The following CC2D1B variants were observed in gnomAD, a reference collection of about 807,000 sequenced individuals.
CC2D1B encodes coiled-coil and C2 domain containing 1B, also known as coiled-coil and C2 domain-containing protein 1B.
CC2D1B carries 92 observed loss-of-function variants against 110.8 expected under a neutral mutation model. The ratio of observed to expected loss-of-function variants is 0.83; its 90% CI spans 0.70 to 0.99. The LOEUF is 0.99. Among genes scored for constraint, CC2D1B ranks in the 50% least tolerant of loss-of-function variants. The probability of loss-of-function intolerance (pLI) is 0.00; values close to 1 mark genes in which losing one functional copy is unlikely to be tolerated. For synonymous variants in CC2D1B, 406 were observed against 429.2 expected, an observed-to-expected ratio of 0.95 and a Z score of 0.67; for missense variants, 1,136 against 1,089.0, an observed-to-expected ratio of 1.04 and a Z score of -0.61.
Position 52,354,674 on chromosome 1 carries a change from C to A in CC2D1B, c.2364G>T (p.Leu788=), listed in dbSNP as rs1413118783. Residue 788 remains leucine (L), a synonymous_variant, in exon 23 of 25, where the codon CTG becomes CTT. Coordinates refer to ENST00000284376, the MANE Select transcript of CC2D1B (RefSeq NM_001330585.2). The part of the protein sequence containing the change: ...HKGSFFRSDK[L]VGTAHLKLER... Reference sequence around the variant, plus strand: ...CCAGTTTCAGGTGTGCTGTGCCAACCAGCTTGTCGCTTCTGAAGAAGGACC... The same window carrying A: ...CCAGTTTCAGGTGTGCTGTGCCAACAAGCTTGTCGCTTCTGAAGAAGGACC... 6.2e-7 allele frequency: 1 copy of A among 1,614,236 alleles called. No individual in the cohort carries two copies. The highest frequency in any genetic ancestry group is 1.7e-5 in the Admixed American group (1 of 60,028).
At position 52,360,534 on chromosome 1, in the gene CC2D1B, C is replaced by G. The variant is rs527478377; in HGVS notation, c.493G>C (p.Gly165Arg). 3 of 1,614,096 alleles carry G rather than the reference C, an allele frequency of 1.9e-6. No individual in the cohort carries two copies. The highest frequency in any genetic ancestry group is 1.7e-5 in the Admixed American group (1 of 60,026). The change falls in exon 6 of 25, where the codon GGG becomes CGG. Residue 165 changes from glycine (G) to arginine (R), a missense_variant. Coordinates refer to ENST00000284376, the MANE Select transcript of CC2D1B (RefSeq NM_001330585.2). ...CGTTCCTCCAGCAAAGCGTGTAGCC[C>G]CTGAGATGCTCCGGCCTATGAACAA... ...APAAQAGASQ[G>R]LHALLEERIH... is the part of the protein sequence containing the mutation.
chr1:52,353,668 G>A (rs1394871787), intron 23 of CC2D1B, 21 bp from the exon 24 acceptor site: 2 of 1,561,274 alleles, frequency 1.3e-6, no homozygotes, highest in Admixed American at 2.0e-5. Context: ...CACAGAGAGG[G>A]AAATGGTAAC....
At chr1:52,360,950 C>CA in intron 5 of CC2D1B, 24 bp downstream of exon 5, 1 of 1,613,132 alleles carries the variant, frequency 6.2e-7, no homozygotes, top group Non-Finnish European at 8.5e-7. Flanking sequence ...ATCAGAGGCA[C>CA]AGGGGCCCTC....
At position 52,361,572 on chromosome 1, in the gene CC2D1B, T is replaced by C. The variant is rs1646783364; in HGVS notation, c.259A>G (p.Met87Val). The C allele has an allele frequency of 1.2e-6, 2 of 1,613,850 alleles. No homozygotes were observed. The highest frequency in any genetic ancestry group is 1.7e-6 in the Non-Finnish European group (2 of 1,179,986). The change falls in exon 4 of 25, where the codon ATG becomes GTG. Residue 87 changes from methionine to valine, a missense_variant. Physicochemically the swap from Met to Val is conservative, Grantham distance 21. Transcript: ENST00000284376. ...TCCTCCTCCTCCTCCACATCCCGCA[T>C]ACAGTCTGCCGCCAACTTCTCGATG... The part of the protein sequence containing the change: ...AHIEKLAADC[M>V]RDVEEEEEEE...
At chr1:52,356,496 T>A in intron 16 of CC2D1B, 54 bp from the exon 17 acceptor site, 1 of 1,593,840 alleles carries the variant, frequency 6.3e-7, no homozygotes, top group Non-Finnish European at 8.6e-7. Context: ...CCTGCCTTGG[T>A]TGGCATTCAA....
chr1:52,355,111 G>A (rs888503957), intron 21 of CC2D1B, 172 bp from the exon 22 acceptor site: 2 of 643,176 alleles, frequency 3.1e-6, no homozygotes, highest in Admixed American at 5.3e-5. Context: ...GTGAGTTTTT[G>A]TACTCTTTTT....
chr1:52,359,138 C>T lies in CC2D1B; in HGVS notation c.1146G>A (p.Gln382=), dbSNP rs1462142045. 3 of 1,611,036 alleles carry T rather than the reference C, an allele frequency of 1.9e-6. No homozygotes were observed. The highest frequency in any genetic ancestry group is 2.2e-5 in the East Asian group (1 of 44,868). ...PATPVAPTES[Q]TVLDALQQRL... is the part of the protein sequence containing the mutation. ...TCTGCTGCAGGGCATCCAGCACTGTCTGTGACTCTGTAGGGGCCACTTGAA... is the reference window on the plus strand; with the variant it reads ...TCTGCTGCAGGGCATCCAGCACTGTTTGTGACTCTGTAGGGGCCACTTGAA... The change falls in exon 11 of 25, where the codon CAG becomes CAA. Residue 382 remains glutamine (Q), a synonymous_variant. Coordinates refer to ENST00000284376, the MANE Select transcript of CC2D1B (RefSeq NM_001330585.2).
chr1:52,361,686 G>A, intron 3 of CC2D1B, 70 bp from the exon 4 acceptor site: 2 of 1,578,592 alleles, frequency 1.3e-6, no homozygotes, highest in South Asian at 1.1e-5. Context: ...GGAGGGGCTT[G>A]GTAGATCCAC....
chr1:52,357,101 T>C lies in CC2D1B; in HGVS notation c.1778A>G (p.Glu593Gly), dbSNP rs1455776486. ...SKVPSPLTDE[E>G]GDFILIHHED... ...ATGGTGGATGAGGATGAAGTCACCC[T>C]CCTCATCCGTCAAGGGCGAAGGCAC... Residue 593 changes from glutamate (E) to glycine (G), a missense_variant, in exon 16 of 25, where the codon GAG becomes GGG. Physicochemically the swap from Glu to Gly is moderately conservative, Grantham distance 98. Transcript: ENST00000284376. 6.2e-7 allele frequency: 1 copy of C among 1,613,626 alleles called. No individual in the cohort carries two copies. The highest frequency in any genetic ancestry group is 2.2e-5 in the East Asian group (1 of 44,860).
At position 52,355,446 on chromosome 1, in the gene CC2D1B, G is replaced by T; in HGVS notation, c.2191C>A (p.Gln731Lys). Reference protein sequence around the residue: ...RFEFHYPNSDQAQKSKTAVVK... With the variant: ...RFEFHYPNSDKAQKSKTAVVK... ...ACAGCTGTTTTGCTTTTTTGAGCCTGGTCCTAAGCAGTGAGGAGGGAGAAG... is the reference window on the plus strand; with the variant it reads ...ACAGCTGTTTTGCTTTTTTGAGCCTTGTCCTAAGCAGTGAGGAGGGAGAAG... The change falls in exon 21 of 25, where the codon CAG (glutamine) becomes AAG (lysine). Residue 731 changes from glutamine (Q) to lysine (K), a missense_variant. Transcript: ENST00000284376. The T allele has an allele frequency of 6.2e-7, 1 of 1,614,134 alleles. No homozygotes were observed.
intron 21 of CC2D1B, 79 bp downstream of exon 21, chr1:52,355,319 G>A: frequency 1.4e-6 from 2 of 1,465,658 alleles, no homozygotes; most frequent in Non-Finnish European, 1.9e-6. Context: ...TAAGGGCATA[G>A]ATGGGAACCC....
intron 2 of CC2D1B, 118 bp downstream of exon 2, chr1:52,364,434 G>A (rs2147898585): frequency 1.1e-5 from 6 of 562,372 alleles, no homozygotes; most frequent in Non-Finnish European, 1.9e-5. Flanking sequence ...ACCTCCAGGA[G>A]GCACTGCTCC....
chr1:52,357,775 A>T lies in CC2D1B; in HGVS notation c.1579+6T>A. The T allele has an allele frequency of 6.3e-7, 1 of 1,592,730 alleles. No individual in the cohort carries two copies. On this transcript the variant is annotated splice_donor_region_variant and intron_variant, in intron 14 of 24. Coordinates refer to ENST00000284376, the MANE Select transcript of CC2D1B (RefSeq NM_001330585.2). ...CAGTTCTTCACCCTGCTTGTCCCCA[A>T]CTCACCAGATGGACTCGGTGACTCC... is the stretch of plus-strand genomic sequence containing the variant.
Position 52,354,170 on chromosome 1 carries a change from C to T in CC2D1B, c.2430+438G>A, listed in dbSNP as rs144972335. Among the ~76,000 whole-genome samples the T allele has an allele frequency of 6.6e-5, 10 of 152,280 alleles. No individual in the cohort carries two copies. In the East Asian group the frequency reaches 1.5e-3, roughly 24 times the overall value. ...AGTGGCTCCAATAGAGACCAGGGCC[C>T]GCATAAGAACAACTTCCCCAGGCAG... On this transcript the variant is annotated intron_variant, in intron 23 of 24. Transcript: ENST00000284376.
intron 2 of CC2D1B, 97 bp from the exon 3 acceptor site, chr1:52,362,843 C>T: frequency 2.4e-6 from 3 of 1,259,352 alleles, no homozygotes. Context: ...CAATCAGTGG[C>T]TCCTTCAGTC....
chr1:52,355,947 G>A (rs1051409641), intron 18 of CC2D1B, 103 bp from the exon 19 acceptor site: 3 of 1,212,544 alleles, frequency 2.5e-6, no homozygotes, highest in East Asian at 2.3e-5. Context: ...GGTGACGGGA[G>A]GGAAGGCAGA....
At chr1:52,360,030 T>C in intron 7 of CC2D1B, 44 bp downstream of exon 7, 1 of 1,552,742 alleles carries the variant, frequency 6.4e-7, no homozygotes, top group Non-Finnish European at 8.7e-7. Flanking sequence ...CGCTGTGGGC[T>C]ATGACCCCAG....
rs1021894699 is a variant in CC2D1B at position 52,352,076 on chromosome 1, TC to T, written c.*1148del. Reference sequence around the variant, plus strand: ...CTGTGCTTATGCAATACTATAGTGATCAGTAAGCTGAATGTATTTGCTTCAC... The same window carrying T: ...CTGTGCTTATGCAATACTATAGTGATAGTAAGCTGAATGTATTTGCTTCAC... On this transcript the variant is annotated 3_prime_UTR_variant, in exon 25 of 25. Coordinates refer to ENST00000284376, the MANE Select transcript of CC2D1B (RefSeq NM_001330585.2). 2 of 152,056 alleles carry T rather than the reference TC, an allele frequency of 1.3e-5. No homozygotes were observed. The highest frequency in any genetic ancestry group is 4.8e-5 in the African/African-American group (2 of 41,390). 9.4% of individuals were successfully genotyped at this position (152,056 alleles called of 1,614,324 possible). A position where few individuals can be genotyped will look rare whatever the true frequency, so the allele number is the denominator to read the frequency against.
Position 52,356,316 on chromosome 1 carries a change from G to T in CC2D1B, c.1938-14C>A, listed in dbSNP as rs1389357343. On this transcript the variant is annotated splice_polypyrimidine_tract_variant and intron_variant, in intron 17 of 24. Transcript: ENST00000284376. ...AGCTTCTCAAATCTGACAGGGATGG[G>T]TATGTCAGCATGATGGTGGATTTTC... 5 of 1,613,306 alleles carry T rather than the reference G, an allele frequency of 3.1e-6. No individual in the cohort carries two copies. In the Admixed American group the frequency reaches 5.0e-5, roughly 16 times the overall value.
Sources: allele counts gnomAD v4.1 joint callset (sites outside exome capture counted in the v4.1 genomes callset), GRCh38; gene constraint gnomAD v4.1.1; transcripts MANE v1.5; gene names NCBI Gene and HGNC (gene_info 2026-07-23, HGNC 2026-07-21).